Variants in ASTN2 observed in about 807,000 individuals in gnomAD.
ASTN2 encodes astrotactin-2.
ASTN2 carries 54 observed loss-of-function variants against 139.8 expected under a neutral mutation model. The observed-to-expected ratio is 0.39, with a 90% CI of 0.31 to 0.48. ASTN2 has a LOEUF of 0.48. Ranked by LOEUF, ASTN2 falls within the 20% of genes least tolerant of loss-of-function variation. The probability of loss-of-function intolerance (pLI) is 0.95; values close to 1 mark genes in which losing one functional copy is unlikely to be tolerated. For synonymous variants in ASTN2, 756 were observed against 719.5 expected (o/e 1.05, Z -0.81); for missense variants, 1,565 against 1,725.1 (o/e 0.91, Z 1.64).
At chr9:117,211,497 C>T (rs74507224) in intron 3 of ASTN2, among the ~76,000 whole-genome samples, 2,435 of 152,268 alleles carry the variant, frequency 0.016, 60 homozygotes, top group African/African-American at 0.056. Context: ...CTCTCTCCTG[C>T]TGTGCCATGT....
chr9:116,814,053 A>C lies in ASTN2; in HGVS notation c.2207+6564T>G, dbSNP rs113287599. ...TCTGTCTCAAGAAAAAAAAAAAAAA[A>C]AGAGAGAGAGAGAAAAGTAGTTAAG... On this transcript the variant is annotated intron_variant, in intron 12 of 22. Coordinates refer to ENST00000313400, the MANE Select transcript of ASTN2 (RefSeq NM_001365068.1). Among the ~76,000 whole-genome samples the C allele has an allele frequency of 4.6e-4, 70 of 151,658 alleles. 2 individuals are homozygous for C. Among genetic ancestry groups the C allele is most frequent in the African/African-American group, 1.6e-3 (66 of 41,356 alleles).
chr9:116,858,696 G>C (rs917597650), intron 11 of ASTN2, among the ~76,000 whole-genome samples: 6 of 152,030 alleles, frequency 3.9e-5, no homozygotes, highest in African/African-American at 1.5e-4. Flanking sequence ...GGGAACACAG[G>C]CTCCCTCTCT....
chr9:117,140,999 ACT>A (rs1385237024), intron 4 of ASTN2, among the ~76,000 whole-genome samples: 2 of 152,106 alleles, frequency 1.3e-5, no homozygotes, highest in African/African-American at 4.8e-5. Flanking sequence ...GCCACTTTGT[ACT>A]CTCTGACCGG....
At chr9:117,079,656 A>G (rs1330935273) in intron 5 of ASTN2, among the ~76,000 whole-genome samples, 1 of 150,902 alleles carries the variant, frequency 6.6e-6, no homozygotes, top group Non-Finnish European at 1.5e-5. Flanking sequence ...GTTTTTCACA[A>G]TTAAGTAAAA....
At chr9:117,294,616 C>T (rs760820331) in intron 1 of ASTN2, among the ~76,000 whole-genome samples, 3 of 152,200 alleles carry the variant, frequency 2.0e-5, no homozygotes, top group Admixed American at 1.3e-4. Flanking sequence ...TCAGGGAGCT[C>T]ATAATCATTT....
At chr9:116,845,274 C>A (rs1296712794) in intron 11 of ASTN2, among the ~76,000 whole-genome samples, 1 of 152,178 alleles carries the variant, frequency 6.6e-6, no homozygotes, top group Non-Finnish European at 1.5e-5. Flanking sequence ...GCCACCATGC[C>A]TGGCTAATTT....
chr9:116,423,896 T>C lies in ASTN2; in HGVS notation c.*1955A>G, dbSNP rs1847243601. Among the ~76,000 whole-genome samples, 1 of 152,210 alleles carries C rather than the reference T, an allele frequency of 6.6e-6. No homozygotes were observed. The highest frequency in any genetic ancestry group is 1.5e-5 in the Non-Finnish European group (1 of 68,040). On this transcript the variant is annotated 3_prime_UTR_variant, in exon 23 of 23. Transcript: ENST00000313400. The stretch of plus-strand genomic sequence containing the variant: ...CAAATTGAGAAGTAGGCATGGTTTT[T>C]TTCTTTTTTACTCACCACTACACAA...
At chr9:116,640,716 A>G (rs561311132) in intron 17 of ASTN2, among the ~76,000 whole-genome samples, 2 of 152,234 alleles carry the variant, frequency 1.3e-5, no homozygotes, top group Non-Finnish European at 2.9e-5. Flanking sequence ...TTTGGTTTTT[A>G]TCTTAAGAGC....
chr9:116,829,625 T>C (rs1831746267), intron 11 of ASTN2, among the ~76,000 whole-genome samples: 1 of 152,030 alleles, frequency 6.6e-6, no homozygotes, highest in East Asian at 1.9e-4. Context: ...ATGAGAAGTG[T>C]TACACACTTT....
intron 19 of ASTN2, among the ~76,000 whole-genome samples, chr9:116,576,961 A>G (rs1202871350): frequency 6.6e-6 from 1 of 152,178 alleles, no homozygotes; most frequent in Non-Finnish European, 1.5e-5. Flanking sequence ...AACACCAACA[A>G]TAACAGTAAA....
intron 3 of ASTN2, 101 bp from the exon 4 acceptor site, chr9:117,141,579 G>A: frequency 6.2e-6 from 7 of 1,126,624 alleles, no homozygotes; most frequent in Non-Finnish European, 6.9e-6. Flanking sequence ...TCAGCCCCTA[G>A]AGCACTAGAC....
chr9:116,897,583 A>C (rs1262152077), intron 10 of ASTN2, among the ~76,000 whole-genome samples: 1 of 152,210 alleles, frequency 6.6e-6, no homozygotes, highest in Non-Finnish European at 1.5e-5. Flanking sequence ...AAACAACCTA[A>C]ATACTCTTCA....
chr9:117,357,947 C>T (rs946941341), intron 1 of ASTN2, among the ~76,000 whole-genome samples: 1 of 152,088 alleles, frequency 6.6e-6, no homozygotes, highest in Non-Finnish European at 1.5e-5. Context: ...GTGACGTGGG[C>T]AAGTCACTTC....
At chr9:116,749,288 T>C (rs1161287431) in intron 13 of ASTN2, among the ~76,000 whole-genome samples, 1 of 152,200 alleles carries the variant, frequency 6.6e-6, no homozygotes, top group African/African-American at 2.4e-5. Context: ...TTGTTGTGAT[T>C]AGGCATAAGA....
chr9:117,258,580 ATGC>A (rs1239824626), intron 2 of ASTN2, among the ~76,000 whole-genome samples: 9 of 152,124 alleles, frequency 5.9e-5, no homozygotes, highest in Non-Finnish European at 2.9e-5. Context: ...TTCTAAAGCC[ATGC>A]TTTGCTTGCT....
At chr9:116,861,060 T>C (rs1832863811) in intron 11 of ASTN2, among the ~76,000 whole-genome samples, 1 of 152,132 alleles carries the variant, frequency 6.6e-6, no homozygotes, top group South Asian at 2.1e-4. Flanking sequence ...GGTTTTAAAA[T>C]TACATCCTCA....
chr9:116,936,078 T>C (rs1345446048), intron 10 of ASTN2, among the ~76,000 whole-genome samples: 2 of 548 alleles, frequency 3.6e-3, no homozygotes, highest in Non-Finnish European at 6.1e-3. Flanking sequence ...ATCACCACCA[T>C]CACCACTACC....
At chr9:117,120,008 G>GTACA (rs1203112485) in intron 4 of ASTN2, among the ~76,000 whole-genome samples, 2 of 45,628 alleles carry the variant, frequency 4.4e-5, no homozygotes, top group African/African-American at 1.5e-4. Flanking sequence ...GTGTGTGTGT[G>GTACA]TGTGTGTGTG....
intron 19 of ASTN2, among the ~76,000 whole-genome samples, chr9:116,546,970 G>A (rs568839489): frequency 5.3e-5 from 8 of 152,260 alleles, no homozygotes; most frequent in South Asian, 4.2e-4. Flanking sequence ...CAGGCACGCC[G>A]GCTGGAGGGG....
Sources: allele counts gnomAD v4.1 joint callset (sites outside exome capture counted in the v4.1 genomes callset), GRCh38; gene constraint gnomAD v4.1.1; transcripts MANE v1.5; gene names NCBI Gene and HGNC (gene_info 2026-07-23, HGNC 2026-07-21).